Variants in RAP1A observed in about 807,000 individuals in gnomAD.
RAP1A encodes ras-related protein Rap-1A.
A neutral mutation model predicts 26.4 loss-of-function variants in RAP1A; 6 were observed. The observed-to-expected ratio is 0.23, with a 90% CI of 0.12 to 0.45. The LOEUF (loss-of-function observed/expected upper bound fraction) is 0.45. Ranked by LOEUF, RAP1A falls within the 20% of genes least tolerant of loss-of-function variation. RAP1A has a pLI of 0.99. For synonymous variants in RAP1A, 73 were observed against 79.4 expected (o/e 0.92, Z 0.43); for missense variants, 121 against 217.2 (o/e 0.56, Z 2.78).
chr1:111,677,904 A>G (rs530936282), intron 1 of RAP1A, among the ~76,000 whole-genome samples: 1 of 152,326 alleles, frequency 6.6e-6, no homozygotes, highest in Admixed American at 6.5e-5. Flanking sequence ...ATTGATTGAG[A>G]GCTGTCTTGC....
At chr1:111,626,394 CACACACAT>C (rs894797481) in intron 1 of RAP1A, among the ~76,000 whole-genome samples, 1 of 151,344 alleles carries the variant, frequency 6.6e-6, no homozygotes, top group African/African-American at 2.4e-5. Flanking sequence ...CACACACACA[CACACACAT>C]ATGCATGTAT....
intron 1 of RAP1A, among the ~76,000 whole-genome samples, chr1:111,557,673 A>C (rs1440271512): frequency 6.6e-6 from 1 of 152,256 alleles, no homozygotes; most frequent in Non-Finnish European, 1.5e-5. Flanking sequence ...GAATGATATC[A>C]GAAAAAAGGT....
chr1:111,671,945 T>G (rs1417453440), intron 1 of RAP1A, among the ~76,000 whole-genome samples: 1 of 152,236 alleles, frequency 6.6e-6, no homozygotes, highest in African/African-American at 2.4e-5. Flanking sequence ...TTAATTTCAT[T>G]TTGGTTAGAA....
At position 111,716,548 on chromosome 1, in the gene RAP1A, G is replaced by T. The variant is rs978641130; in HGVS notation, c.*4147G>T. Reference sequence around the variant, plus strand: ...TAAATGGGAATTGGGGATGATGTATGTTCGTTGGGCATGCTGAGAAGCGGC... The same window carrying T: ...TAAATGGGAATTGGGGATGATGTATTTTCGTTGGGCATGCTGAGAAGCGGC... On this transcript the variant is annotated 3_prime_UTR_variant, in exon 8 of 8. Transcript: ENST00000369709. 4 of 152,200 alleles carry T rather than the reference G, an allele frequency of 2.6e-5. No homozygotes were observed. The highest frequency in any genetic ancestry group is 9.7e-5 in the African/African-American group (4 of 41,438). 9.4% of individuals were successfully genotyped at this position (152,200 alleles called of 1,614,324 possible).
chr1:111,547,936 G>C (rs1161496146), intron 1 of RAP1A, among the ~76,000 whole-genome samples: 5 of 152,194 alleles, frequency 3.3e-5, no homozygotes, highest in African/African-American at 1.2e-4. Flanking sequence ...TAAATGCTTT[G>C]ACCATCCCAA....
intron 7 of RAP1A, among the ~76,000 whole-genome samples, chr1:111,709,764 C>CCTTTTGTTTAT (rs1214390027): frequency 3.9e-5 from 6 of 152,150 alleles, no homozygotes; most frequent in African/African-American, 7.2e-5. Context: ...TAAACAAAAA[C>CCTTTTGTTTAT]GTAGTGTATT....
chr1:111,669,924 A>G (rs1233208318), intron 1 of RAP1A, among the ~76,000 whole-genome samples: 2 of 152,226 alleles, frequency 1.3e-5, no homozygotes, highest in Non-Finnish European at 2.9e-5. Context: ...AAGCTCTGCA[A>G]TTAGGCTAGC....
chr1:111,654,510 G>T (rs1660388713), intron 1 of RAP1A, among the ~76,000 whole-genome samples: 1 of 152,142 alleles, frequency 6.6e-6, no homozygotes. Context: ...TAATTGTTTT[G>T]TGAGTTTTGT....
At chr1:111,658,151 T>C (rs920451096) in intron 1 of RAP1A, among the ~76,000 whole-genome samples, 9 of 152,222 alleles carry the variant, frequency 5.9e-5, no homozygotes, top group Admixed American at 3.9e-4. Flanking sequence ...GAGAAATATA[T>C]TATTAGGCAA....
rs1253896535 is a variant in RAP1A at position 111,591,841 on chromosome 1, C to T, written c.-28+49332C>T. The stretch of plus-strand genomic sequence containing the variant: ...GCACATAGCAGCTATAGGGTACATC[C>T]TACATCATGCTACATAAGAAAGATT... On this transcript the variant is annotated intron_variant, in intron 1 of 7. Coordinates refer to the RAP1A transcript ENST00000356415. 2.0e-5 allele frequency among the ~76,000 whole-genome samples: 3 copies of T among 152,142 alleles called. No homozygotes were observed. In the East Asian group the frequency reaches 5.8e-4, roughly 29 times the overall value.
At chr1:111,699,941 C>T (rs1292265183) in intron 4 of RAP1A, among the ~76,000 whole-genome samples, 3 of 152,164 alleles carry the variant, frequency 2.0e-5, no homozygotes, top group Non-Finnish European at 4.4e-5. Flanking sequence ...TTTTCAGCAG[C>T]CTTTGACTCA....
At chr1:111,685,076 G>C (rs1490879170) in intron 1 of RAP1A, among the ~76,000 whole-genome samples, 8 of 151,282 alleles carry the variant, frequency 5.3e-5, no homozygotes, top group African/African-American at 1.9e-4. Context: ...AACTGGTTCA[G>C]AAAACTGAAA....
At chr1:111,708,415 A>G (rs1211120636) in intron 6 of RAP1A, among the ~76,000 whole-genome samples, 2 of 152,246 alleles carry the variant, frequency 1.3e-5, no homozygotes, top group Non-Finnish European at 2.9e-5. Flanking sequence ...AAATCAAGGG[A>G]AGTTACTAGC....
At chr1:111,672,776 C>T (rs1388800365) in intron 1 of RAP1A, among the ~76,000 whole-genome samples, 1 of 152,134 alleles carries the variant, frequency 6.6e-6, no homozygotes, top group Non-Finnish European at 1.5e-5. Context: ...TTTTTTCTTT[C>T]TACAAGTTTT....
chr1:111,651,887 C>T (rs1250496496), intron 1 of RAP1A, among the ~76,000 whole-genome samples: 2 of 151,676 alleles, frequency 1.3e-5, no homozygotes, highest in Non-Finnish European at 2.9e-5. Flanking sequence ...GCTGGGATTA[C>T]AGGCGTGAGA....
At chr1:111,582,539 C>T (rs931471707) in intron 1 of RAP1A, among the ~76,000 whole-genome samples, 10 of 152,134 alleles carry the variant, frequency 6.6e-5, no homozygotes, top group African/African-American at 2.4e-4. Context: ...CTTACAACTC[C>T]CTTGACTGAG....
intron 1 of RAP1A, among the ~76,000 whole-genome samples, chr1:111,640,432 A>G (rs1659858219): frequency 6.6e-6 from 1 of 152,214 alleles, no homozygotes; most frequent in African/African-American, 2.4e-5. Flanking sequence ...ACTTTAATTA[A>G]TAATAGCCAT....
In RAP1A at chr1:111,703,300, T is replaced by G. The variant is rs372639391; in HGVS notation, c.184-36T>G. 234 of 1,360,746 alleles carry G rather than the reference T, an allele frequency of 1.7e-4. 2 individuals are homozygous for G. In the Middle Eastern group the frequency reaches 2.2e-3, roughly 13 times the overall value. The allele number at this position is 1,360,746 out of a possible 1,614,324, so 84.3% of individuals were successfully genotyped here. Reference sequence around the variant, plus strand: ...TTGTTGCAGTATACATTCAAGAAATTTATATATTTATAATTGCATATTTTT... The same window carrying G: ...TTGTTGCAGTATACATTCAAGAAATGTATATATTTATAATTGCATATTTTT... On this transcript the variant is annotated intron_variant, in intron 4 of 7. Transcript: ENST00000369709.
At chr1:111,651,660 A>G (rs550065574) in intron 1 of RAP1A, among the ~76,000 whole-genome samples, 161 of 151,854 alleles carry the variant, frequency 1.1e-3, no homozygotes, top group African/African-American at 3.5e-3. Flanking sequence ...AATTTTTAGT[A>G]GAGATAGGGT....
Sources: gnomAD v4.1 joint callset for allele counts (sites outside exome capture counted in the v4.1 genomes callset) on GRCh38, gnomAD v4.1.1 for gene constraint, MANE v1.5 for transcripts, NCBI Gene and HGNC (gene_info 2026-07-23, HGNC 2026-07-21) for gene names.